SPAG6: variants seen among roughly 807,000 people sequenced by gnomAD.
The protein encoded by SPAG6 is sperm associated antigen 6.
A neutral mutation model predicts 58.5 loss-of-function variants in SPAG6; 49 were observed. The observed-to-expected ratio is 0.84, with a 90% CI of 0.67 to 1.06. The LOEUF (loss-of-function observed/expected upper bound fraction) is 1.06. SPAG6 is among the 50% of genes least tolerant of loss of function. The pLI is 0.00. For missense variants in SPAG6, 560 were observed against 611.3 expected, an observed-to-expected ratio of 0.92 and a Z score of 0.89; for synonymous variants, 233 against 225.6, an observed-to-expected ratio of 1.03 and a Z score of -0.29.
chr10:22,410,560 G>A (rs142461855), intron 9 of SPAG6, among the ~76,000 whole-genome samples: 1,541 of 151,858 alleles, frequency 0.01, 10 homozygotes, highest in Admixed American at 0.016. Flanking sequence ...GTGGAGTGTG[G>A]AAAGCCATTT....
intron 2 of SPAG6, among the ~76,000 whole-genome samples, chr10:22,351,308 C>A (rs981884227): frequency 6.6e-6 from 1 of 152,180 alleles, no homozygotes; most frequent in Non-Finnish European, 1.5e-5. Flanking sequence ...CTTCCTTGGG[C>A]TTCTAATTAG....
At chr10:22,388,124 C>T in intron 6 of SPAG6, 128 bp downstream of exon 6, 1 of 723,844 alleles carries the variant, frequency 1.4e-6, no homozygotes. Context: ...TTCTCGTCTT[C>T]TACTGATGTT....
intron 2 of SPAG6, among the ~76,000 whole-genome samples, chr10:22,346,434 T>TTCC (rs1260956976): frequency 2.8e-4 from 26 of 94,486 alleles, no homozygotes; most frequent in Non-Finnish European, 3.2e-4. Flanking sequence ...AAAATGGTTC[T>TTCC]TCTTCTTCTT....
intron 7 of SPAG6, among the ~76,000 whole-genome samples, chr10:22,389,643 T>G (rs1363347979): frequency 1.3e-5 from 2 of 152,196 alleles, no homozygotes; most frequent in African/African-American, 4.8e-5. Context: ...GAAACACCTA[T>G]TTGTAAATGA....
chr10:22,358,868 T>A (rs951024605), intron 2 of SPAG6, among the ~76,000 whole-genome samples: 6 of 152,214 alleles, frequency 3.9e-5, no homozygotes, highest in African/African-American at 1.4e-4. Flanking sequence ...GGTGTTTATT[T>A]TGTTCTAATC....
At chr10:22,387,251 A>G (rs1388419418) in intron 5 of SPAG6, among the ~76,000 whole-genome samples, 2 of 152,188 alleles carry the variant, frequency 1.3e-5, no homozygotes, top group East Asian at 3.8e-4. Context: ...AAAGACCTAA[A>G]GATTTTTGAA....
Position 22,368,500 on chromosome 10 carries a change from C to A in SPAG6, c.294C>A (p.Phe98Leu), listed in dbSNP as rs1400260080. The A allele has an allele frequency of 1.2e-6, 2 of 1,613,392 alleles. No homozygotes were observed. Among genetic ancestry groups the A allele is most frequent in the East Asian group, 2.2e-5 (1 of 44,858 alleles). ...LVYSLAEQNRFYKKAAAFVLR... is the reference protein window; with the variant it reads ...LVYSLAEQNRLYKKAAAFVLR... ...TGTCTGTTTGACCCTTGTAGCGCTT[C>A]TACAAGAAAGCAGCTGCCTTTGTGT... Residue 98 changes from phenylalanine (F) to leucine (L), a missense_variant, in exon 4 of 11, where the codon TTC becomes TTA. Physicochemically the swap from Phe to Leu is conservative, Grantham distance 22. Transcript: ENST00000376624.
At chr10:22,405,170 A>T (rs1455800331) in intron 9 of SPAG6, among the ~76,000 whole-genome samples, 14 of 151,890 alleles carry the variant, frequency 9.2e-5, no homozygotes, top group South Asian at 4.2e-4. Flanking sequence ...CTTCCAACAC[A>T]ATGTTGAATA....
At chr10:22,403,528 G>C (rs992857944) in intron 9 of SPAG6, among the ~76,000 whole-genome samples, 2 of 152,068 alleles carry the variant, frequency 1.3e-5, no homozygotes, top group African/African-American at 4.8e-5. Flanking sequence ...TTAATCCAGT[G>C]TATCACTGTT....
chr10:22,398,753 G>C (rs1056683604), intron 8 of SPAG6, among the ~76,000 whole-genome samples: 1 of 151,960 alleles, frequency 6.6e-6, no homozygotes, highest in East Asian at 1.9e-4. Context: ...TTAACATTAA[G>C]AAAATGAAAA....
At position 22,360,961 on chromosome 10, in the gene SPAG6, A is replaced by C. The variant is rs974086315; in HGVS notation, c.122-3892A>C. ...TCCTTGCATATTTATCTGTAGTTTT[A>C]AGAGAAACTTGTAGTTAGAATAACA... On this transcript the variant is annotated intron_variant, in intron 2 of 10. Transcript: ENST00000376624. 4.2e-6 allele frequency: 3 copies of C among 716,810 alleles called. No homozygotes were observed. The Admixed American group carries it at 6.8e-5, about 16-fold the overall frequency. 44.4% of individuals were successfully genotyped at this position (716,810 alleles called of 1,614,324 possible).
intron 9 of SPAG6, among the ~76,000 whole-genome samples, chr10:22,410,359 A>G (rs908295437): frequency 3.3e-5 from 5 of 152,182 alleles, no homozygotes; most frequent in African/African-American, 1.2e-4. Context: ...TTAAAATATT[A>G]TGTGGTATTT....
chr10:22,387,483 T>C (rs1834094325), intron 5 of SPAG6, among the ~76,000 whole-genome samples: 1 of 152,144 alleles, frequency 6.6e-6, no homozygotes, highest in Admixed American at 6.6e-5. Flanking sequence ...TGCTTGATGA[T>C]TTTTGTACTA....
chr10:22,362,145 GTA>G (rs1048598560), intron 2 of SPAG6, among the ~76,000 whole-genome samples: 1 of 141,686 alleles, frequency 7.1e-6, no homozygotes, highest in African/African-American at 2.6e-5. Flanking sequence ...TTTATTTTAT[GTA>G]TATATATTTA....
intron 2 of SPAG6, among the ~76,000 whole-genome samples, chr10:22,361,927 T>C (rs925409564): frequency 6.7e-6 from 1 of 150,092 alleles, no homozygotes; most frequent in Admixed American, 6.7e-5. Context: ...TAATTCAATA[T>C]GAAAAATTTC....
intron 9 of SPAG6, among the ~76,000 whole-genome samples, chr10:22,410,090 C>T (rs1834691436): frequency 6.6e-6 from 1 of 152,156 alleles, no homozygotes; most frequent in South Asian, 2.1e-4. Context: ...GATCCAGTGA[C>T]TTGTTTTTTA....
rs113589908 is a variant in SPAG6, at chr10:22,402,533, G to A, written c.1314+1256G>A. ...ATGACCTCCAACAGTATGACTGGCC[G>A]TCAAGTGCCAGAGCCACAGGAAAGT... is the stretch of plus-strand genomic sequence containing the variant. On this transcript the variant is annotated intron_variant, in intron 9 of 10. Coordinates refer to ENST00000376624, the MANE Select transcript of SPAG6 (RefSeq NM_012443.4). Among the ~76,000 whole-genome samples the A allele has an allele frequency of 1.8e-3, 270 of 152,272 alleles. 4 individuals are homozygous for A. The highest frequency in any genetic ancestry group is 5.9e-3 in the African/African-American group (246 of 41,546).
intron 2 of SPAG6, chr10:22,360,669 T>C (rs1837008976): frequency 5.6e-6 from 1 of 177,900 alleles, no homozygotes; most frequent in African/African-American, 2.4e-5. Context: ...ATATGTGAAT[T>C]GTTATTTTTA....
In SPAG6 at chr10:22,411,323, C is replaced by T. The variant is rs981450420; in HGVS notation, c.1460+147C>T. On this transcript the variant is annotated intron_variant, in intron 10 of 10. Transcript: ENST00000376624. ...ACCTTTATTTCTCTCTTGATCTCTT[C>T]CCCCTGCCAAATTAATTAATGATCT... The T allele has an allele frequency of 7.0e-6, 4 of 573,270 alleles. No individual in the cohort carries two copies. The African/African-American group carries it at 7.7e-5, about 11-fold the overall frequency. The allele number at this position is 573,270 out of a possible 1,614,324, so 35.5% of individuals were successfully genotyped here. A position where few individuals can be genotyped will look rare whatever the true frequency, so the allele number is the denominator to read the frequency against.
Sources: gnomAD v4.1 joint callset for allele counts (sites outside exome capture counted in the v4.1 genomes callset) on GRCh38, gnomAD v4.1.1 for gene constraint, MANE v1.5 for transcripts, NCBI Gene and HGNC (gene_info 2026-07-23, HGNC 2026-07-21) for gene names.